The following PIEZO2 variants were observed in gnomAD, a reference collection of about 807,000 sequenced individuals.
PIEZO2 encodes piezo-type mechanosensitive ion channel component 2.
PIEZO2 carries 172 observed loss-of-function variants against 337.3 expected under a neutral mutation model. That is an observed-to-expected ratio of 0.51 (90% CI 0.45 to 0.58). PIEZO2 has a LOEUF of 0.58. Among genes scored for constraint, PIEZO2 ranks in the 20% least tolerant of loss-of-function variants. The pLI, the probability that PIEZO2 is intolerant of heterozygous loss-of-function variation, is 0.00. For synonymous variants in PIEZO2, 1,251 were observed against 1,228.5 expected (o/e 1.02, Z -0.38); for missense variants, 3,028 against 3,391.3 (o/e 0.89, Z 2.66).
intron 11 of PIEZO2, among the ~76,000 whole-genome samples, chr18:10,797,781 G>C (rs1016593824): frequency 6.6e-6 from 1 of 152,200 alleles, no homozygotes; most frequent in African/African-American, 2.4e-5. Context: ...CTCTAAACCT[G>C]TCATCAGAGC....
intron 2 of PIEZO2, among the ~76,000 whole-genome samples, chr18:11,057,794 A>C (rs938986483): frequency 6.6e-6 from 1 of 152,242 alleles, no homozygotes; most frequent in East Asian, 1.9e-4. Context: ...TAATCAGACA[A>C]TACCCACCAG....
intron 2 of PIEZO2, among the ~76,000 whole-genome samples, chr18:10,998,916 G>A (rs777491135): frequency 2.0e-5 from 3 of 150,388 alleles, no homozygotes; most frequent in Non-Finnish European, 3.0e-5. Flanking sequence ...GTCAGGAACT[G>A]GGATTTAAAC....
At chr18:10,692,371 T>A (rs2034886052) in intron 47 of PIEZO2, among the ~76,000 whole-genome samples, 1 of 152,220 alleles carries the variant, frequency 6.6e-6, no homozygotes, top group Non-Finnish European at 1.5e-5. Flanking sequence ...GTCCTTAAAA[T>A]TAAGATCCAT....
intron 1 of PIEZO2, among the ~76,000 whole-genome samples, chr18:11,119,436 C>A (rs2039975213): frequency 6.6e-6 from 1 of 152,130 alleles, no homozygotes; most frequent in African/African-American, 2.4e-5. Context: ...CCGCGCCCGG[C>A]CAAATACTTG....
chr18:10,717,134 G>A (rs941584302), intron 37 of PIEZO2, among the ~76,000 whole-genome samples: 1 of 152,202 alleles, frequency 6.6e-6, no homozygotes, highest in East Asian at 1.9e-4. Flanking sequence ...AAGAGGTTAA[G>A]TCGGTTAATC....
In PIEZO2 at chr18:10,727,078, A is replaced by G; in HGVS notation, c.5029+4329T>C. ...GGGAGGGCAGGAGCATTCCTTGAGA[A>G]GGAGTGGCAACATCAAAGGGTTTGT... is the stretch of plus-strand genomic sequence containing the variant. On this transcript the variant is annotated intron_variant, in intron 36 of 55. Transcript: ENST00000674853. This position sits in a 1 kb window ranked among gnomAD's most constrained non-coding sequence, Gnocchi z 6.3. The G allele has an allele frequency of 1.9e-6, 1 of 520,124 alleles. No individual in the cohort carries two copies. Among genetic ancestry groups the G allele is most frequent in the Non-Finnish European group, 3.3e-6 (1 of 300,916 alleles). The allele number at this position is 520,124 out of a possible 1,614,324, so 32.2% of individuals were successfully genotyped here.
chr18:10,682,173 G>C lies in PIEZO2; in HGVS notation c.7617C>G (p.Ile2539Met). 1 of 1,537,186 alleles carries C rather than the reference G, an allele frequency of 6.5e-7. No homozygotes were observed. The highest frequency in any genetic ancestry group is 1.7e-4 in the Middle Eastern group (1 of 5,990). ...VWFPLLFMSLIKSVAGVINQP... is the reference protein window; with the variant it reads ...VWFPLLFMSLMKSVAGVINQP... ...GGTTGATGACCCCAGCCACAGATTT[G>C]ATCAAAGACATGAAGAGAAGAGGAA... Residue 2539 changes from isoleucine (I) to methionine (M), a missense_variant, in exon 50 of 56, where the codon ATC becomes ATG. Physicochemically the swap from Ile to Met is conservative, Grantham distance 10 (BLOSUM62 1). Coordinates refer to ENST00000674853, the MANE Select transcript of PIEZO2 (RefSeq NM_001378183.1). The surrounding 1 kb of genome is among the most constrained non-coding windows in gnomAD (Gnocchi z 5.6).
chr18:10,706,453 C>T (rs549372361), intron 40 of PIEZO2, among the ~76,000 whole-genome samples: 64 of 151,214 alleles, frequency 4.2e-4, no homozygotes, highest in African/African-American at 1.4e-3. Flanking sequence ...TCTCTTCCCA[C>T]GCAAGCTCTC....
intron 7 of PIEZO2, among the ~76,000 whole-genome samples, chr18:10,843,828 T>A (rs1191109711): frequency 6.6e-6 from 1 of 152,118 alleles, no homozygotes; most frequent in African/African-American, 2.4e-5. Flanking sequence ...CCACACCCAT[T>A]AGGTCCAGAC....
chr18:11,079,237 C>T (rs2038652118), intron 1 of PIEZO2, among the ~76,000 whole-genome samples: 1 of 152,346 alleles, frequency 6.6e-6, no homozygotes, highest in East Asian at 1.9e-4. Context: ...ACTCTCCCTG[C>T]TTTCTCCTAA....
At chr18:11,073,100 G>A (rs1028178245) in intron 1 of PIEZO2, among the ~76,000 whole-genome samples, 1 of 152,182 alleles carries the variant, frequency 6.6e-6, no homozygotes, top group Admixed American at 6.5e-5. Context: ...GGAGGCGGGA[G>A]AACAGAGCCT....
At chr18:11,107,036 A>AC (rs1419911320) in intron 1 of PIEZO2, among the ~76,000 whole-genome samples, 9 of 150,622 alleles carry the variant, frequency 6.0e-5, no homozygotes, top group Non-Finnish European at 8.9e-5. Flanking sequence ...TCATTGGTTG[A>AC]CCCCCCCAGT....
chr18:10,879,849 T>C (rs1416081223), intron 4 of PIEZO2, among the ~76,000 whole-genome samples: 3 of 152,172 alleles, frequency 2.0e-5, no homozygotes, highest in African/African-American at 7.2e-5. Flanking sequence ...AATCAAATAC[T>C]ACACAGCAAT....
intron 47 of PIEZO2, among the ~76,000 whole-genome samples, chr18:10,692,941 G>C (rs2034915742): frequency 6.6e-6 from 1 of 152,124 alleles, no homozygotes; most frequent in Admixed American, 6.5e-5. Context: ...TCAATCTATA[G>C]ATCAATTTGG....
intron 5 of PIEZO2, among the ~76,000 whole-genome samples, chr18:10,857,669 T>G (rs551730726): frequency 6.8e-4 from 103 of 152,328 alleles, no homozygotes; most frequent in African/African-American, 2.4e-3. Context: ...AGTTTATCTT[T>G]GTTCACTATT....
intron 43 of PIEZO2, among the ~76,000 whole-genome samples, chr18:10,700,298 C>T (rs1448974539): frequency 6.6e-6 from 1 of 151,976 alleles, no homozygotes; most frequent in African/African-American, 2.4e-5. Context: ...GAAATTTCTG[C>T]AGTTTTAATT....
chr18:10,866,697 C>T (rs927426605), intron 5 of PIEZO2, among the ~76,000 whole-genome samples: 1 of 152,064 alleles, frequency 6.6e-6, no homozygotes, highest in Non-Finnish European at 1.5e-5. Context: ...ACCTGGTGAC[C>T]AGGGATGTGG....
rs771681809 is a variant in PIEZO2, at chr18:10,785,800, T to A, written c.2319-843A>T. On this transcript the variant is annotated intron_variant, in intron 16 of 55. Coordinates refer to ENST00000674853, the MANE Select transcript of PIEZO2 (RefSeq NM_001378183.1). ...ACCGCTGCTGCTGCCTACTAACTAG[T>A]CTCCTTGTTTCTACTCCCACACATC... Among the ~76,000 whole-genome samples, 112 of 152,262 alleles carry A rather than the reference T, an allele frequency of 7.4e-4. 1 individual carries two copies. The highest frequency in any genetic ancestry group is 2.4e-3 in the African/African-American group (100 of 41,548).
intron 3 of PIEZO2, among the ~76,000 whole-genome samples, chr18:10,933,862 A>T (rs1443562149): frequency 6.6e-6 from 1 of 152,246 alleles, no homozygotes; most frequent in Non-Finnish European, 1.5e-5. Context: ...ATGGTTTTAC[A>T]AAGGGGAGTT....
Sources: gnomAD v4.1 joint callset for allele counts (sites outside exome capture counted in the v4.1 genomes callset) on GRCh38, gnomAD v4.1.1 for gene constraint, Gnocchi (gnomAD v3.1) non-coding constraint, MANE v1.5 for transcripts, NCBI Gene and HGNC (gene_info 2026-07-23, HGNC 2026-07-21) for gene names.